AFAP1: variants seen among roughly 807,000 people sequenced by gnomAD.
The protein encoded by AFAP1 is actin filament-associated protein 1.
AFAP1 carries 75 observed loss-of-function variants against 93.9 expected under a neutral mutation model. That is an observed-to-expected ratio of 0.80 (90% CI 0.66 to 0.97). The LOEUF (loss-of-function observed/expected upper bound fraction) is 0.97. AFAP1 is among the 50% of genes least tolerant of loss of function. AFAP1 has a pLI of 0.00. For synonymous variants in AFAP1, 517 were observed against 430.7 expected, an observed-to-expected ratio of 1.20 and a Z score of -2.48; for missense variants, 1,201 against 1,050.8, an observed-to-expected ratio of 1.14 and a Z score of -1.98.
chr4:7,765,101 C>CTCAATCAA (rs150464610), intron 17 of AFAP1, among the ~76,000 whole-genome samples: 3 of 151,936 alleles, frequency 2.0e-5, no homozygotes, highest in Non-Finnish European at 2.9e-5. Context: ...AAGACCCTGT[C>CTCAATCAA]TCAATCAATC....
chr4:7,878,041 A>G (rs1414443716), intron 1 of AFAP1, among the ~76,000 whole-genome samples: 2 of 152,218 alleles, frequency 1.3e-5, no homozygotes, highest in East Asian at 3.9e-4. Context: ...GCTGGTGGGC[A>G]TGGCGTACCA....
intron 6 of AFAP1, among the ~76,000 whole-genome samples, chr4:7,836,635 G>C (rs1469047918): frequency 1.3e-5 from 2 of 152,166 alleles, no homozygotes; most frequent in African/African-American, 4.8e-5. Context: ...TTTTAGCAGA[G>C]ACAGGGTTTC....
chr4:7,905,218 TCAAGC>T (rs1719334520), intron 1 of AFAP1, among the ~76,000 whole-genome samples: 1 of 152,112 alleles, frequency 6.6e-6, no homozygotes, highest in Non-Finnish European at 1.5e-5. Context: ...TGATTTCAGC[TCAAGC>T]TGAAATCAAG....
At chr4:7,776,500 C>T (rs1291870437) in intron 14 of AFAP1, 2 of 152,146 alleles carry the variant, frequency 1.3e-5, no homozygotes, top group Non-Finnish European at 2.9e-5. Flanking sequence ...CAATTCTTAC[C>T]ATATCAGCGA....
intron 3 of AFAP1, among the ~76,000 whole-genome samples, chr4:7,867,881 G>A (rs769565961): frequency 6.6e-6 from 1 of 152,044 alleles, no homozygotes; most frequent in Non-Finnish European, 1.5e-5. Flanking sequence ...ATCAAGAAAC[G>A]GCCCTGCCTT....
chr4:7,933,015 C>T (rs1370188723), intron 1 of AFAP1, among the ~76,000 whole-genome samples: 1 of 93,428 alleles, frequency 1.1e-5, no homozygotes, highest in Non-Finnish European at 2.1e-5. Flanking sequence ...GTGAGACTCC[C>T]TCTCAAAAAA....
At chr4:7,799,684 C>T (rs914213782) in intron 10 of AFAP1, among the ~76,000 whole-genome samples, 2 of 151,876 alleles carry the variant, frequency 1.3e-5, no homozygotes, top group Non-Finnish European at 2.9e-5. Flanking sequence ...GGGGAAAAGA[C>T]TCAGAAATAA....
At chr4:7,787,174 C>T (rs1369565389) in intron 11 of AFAP1, among the ~76,000 whole-genome samples, 1 of 152,244 alleles carries the variant, frequency 6.6e-6, no homozygotes, top group African/African-American at 2.4e-5. Flanking sequence ...TGGAACTTTC[C>T]ATAAAAACCC....
intron 1 of AFAP1, among the ~76,000 whole-genome samples, chr4:7,932,297 A>T (rs1001386465): frequency 6.6e-6 from 1 of 152,212 alleles, no homozygotes; most frequent in African/African-American, 2.4e-5. Context: ...CTACTTGGTG[A>T]CCACCATCAG....
At chr4:7,809,215 C>T (rs1470476339) in intron 9 of AFAP1, among the ~76,000 whole-genome samples, 2 of 151,784 alleles carry the variant, frequency 1.3e-5, no homozygotes, top group East Asian at 3.9e-4. Context: ...CCCCACTCCC[C>T]CCACCCCACT....
At chr4:7,922,463 T>A (rs751854545) in intron 1 of AFAP1, among the ~76,000 whole-genome samples, 1 of 152,178 alleles carries the variant, frequency 6.6e-6, no homozygotes, top group Non-Finnish European at 1.5e-5. Context: ...AGTGTGGAGA[T>A]GATGTCCCAG....
chr4:7,890,841 T>C (rs967638008), intron 1 of AFAP1, among the ~76,000 whole-genome samples: 3 of 152,124 alleles, frequency 2.0e-5, no homozygotes, highest in Admixed American at 6.5e-5. Context: ...ACTTTCCCGG[T>C]GGGAAGGCAG....
chr4:7,821,213 G>A (rs916890445), intron 6 of AFAP1, among the ~76,000 whole-genome samples: 1 of 152,200 alleles, frequency 6.6e-6, no homozygotes, highest in African/African-American at 2.4e-5. Context: ...CCCAGCGAGG[G>A]AATAAGTGTG....
chr4:7,888,707 C>T (rs992497761), intron 1 of AFAP1, among the ~76,000 whole-genome samples: 6 of 152,126 alleles, frequency 3.9e-5, no homozygotes, highest in African/African-American at 1.4e-4. Flanking sequence ...CAGCAAATAA[C>T]TCAGAAAAAA....
chr4:7,934,638 C>T (rs1219096981), intron 1 of AFAP1, among the ~76,000 whole-genome samples: 2 of 152,094 alleles, frequency 1.3e-5, no homozygotes, highest in African/African-American at 2.4e-5. Flanking sequence ...GGCCCGACAC[C>T]GCACACACAG....
intron 10 of AFAP1, among the ~76,000 whole-genome samples, chr4:7,795,214 T>C (rs1718286302): frequency 1.3e-5 from 2 of 152,072 alleles, no homozygotes; most frequent in Admixed American, 6.5e-5. Flanking sequence ...ATATAACAAA[T>C]CATTACTAAC....
At chr4:7,932,275 C>A (rs190671982) in intron 1 of AFAP1, among the ~76,000 whole-genome samples, 10 of 152,278 alleles carry the variant, frequency 6.6e-5, no homozygotes, top group Admixed American at 5.9e-4. Flanking sequence ...CGAGGTCCTG[C>A]TTGGTTTTAA....
intron 15 of AFAP1, 198 bp downstream of exon 15, chr4:7,774,541 G>T: frequency 3.8e-6 from 3 of 791,776 alleles, no homozygotes; most frequent in South Asian, 2.1e-5. Context: ...CCTGCACGCC[G>T]CATGTTTGAC....
chr4:7,820,549 C>A (rs1720881310), intron 6 of AFAP1, among the ~76,000 whole-genome samples: 6 of 152,032 alleles, frequency 3.9e-5, no homozygotes, highest in Admixed American at 3.9e-4. Flanking sequence ...GGCAGAAAAC[C>A]AGGAGAGCAC....
Sources: allele counts gnomAD v4.1 joint callset (sites outside exome capture counted in the v4.1 genomes callset), GRCh38; gene constraint gnomAD v4.1.1; transcripts MANE v1.5; gene names NCBI Gene and HGNC (gene_info 2026-07-23, HGNC 2026-07-21).